TRIP12: variants seen among roughly 807,000 people sequenced by gnomAD.
The protein encoded by TRIP12 is thyroid hormone receptor interactor 12, also known as E3 ubiquitin-protein ligase TRIP12.
In TRIP12, 25 loss-of-function variants were observed where a neutral mutation model predicts 244.2. The observed-to-expected ratio is 0.10, with a 90% confidence interval of 0.07 to 0.14. The LOEUF (loss-of-function observed/expected upper bound fraction) is 0.14, where lower values mean the gene tolerates loss of function less well. TRIP12 is among the 10% of genes least tolerant of loss of function. The pLI, the probability that TRIP12 is intolerant of heterozygous loss-of-function variation, is 1.00. For missense variants in TRIP12, 1,677 were observed against 2,486.4 expected (o/e 0.67, Z 6.92); for synonymous variants, 905 against 873.1 (o/e 1.04, Z -0.64).
chr2:229,860,275 T>G, intron 3 of TRIP12, 131 bp downstream of exon 3: 1 of 1,198,844 alleles, frequency 8.3e-7, no homozygotes, highest in Non-Finnish European at 1.2e-6. Context: ...CTGTCAATCC[T>G]AAAAGTTACT....
chr2:229,910,580 T>C (rs1207634374), intron 1 of TRIP12, among the ~76,000 whole-genome samples: 1 of 152,182 alleles, frequency 6.6e-6, no homozygotes, highest in Non-Finnish European at 1.5e-5. Context: ...TAGTCCTTAC[T>C]TTCTGTAATG....
intron 31 of TRIP12, 57 bp from the exon 32 acceptor site, chr2:229,788,997 T>A: frequency 6.8e-7 from 1 of 1,480,930 alleles, no homozygotes; most frequent in Non-Finnish European, 9.2e-7. Flanking sequence ...AGGATTATAT[T>A]CACAATCTCT....
chr2:229,892,110 C>T (rs2067501703), intron 1 of TRIP12, among the ~76,000 whole-genome samples: 1 of 152,088 alleles, frequency 6.6e-6, no homozygotes, highest in Non-Finnish European at 1.5e-5. Context: ...ATGGAGCTCA[C>T]CTCAATTGGA....
intron 4 of TRIP12, among the ~76,000 whole-genome samples, chr2:229,849,903 T>C (rs1013477022): frequency 1.0e-4 from 15 of 143,090 alleles, no homozygotes; most frequent in African/African-American, 3.9e-4. Context: ...TGTTGATAAA[T>C]ATAAAGTGAA....
intron 4 of TRIP12, among the ~76,000 whole-genome samples, chr2:229,857,889 C>A (rs1446956156): frequency 6.6e-6 from 1 of 152,156 alleles, no homozygotes; most frequent in South Asian, 2.1e-4. Flanking sequence ...AATATTCTTA[C>A]TCACTTAGGA....
At chr2:229,827,407 C>A (rs889046414) in intron 8 of TRIP12, among the ~76,000 whole-genome samples, 2 of 152,044 alleles carry the variant, frequency 1.3e-5, no homozygotes, top group Non-Finnish European at 2.9e-5. Flanking sequence ...AACAGCTGTA[C>A]AAAAACATTT....
intron 30 of TRIP12, 143 bp downstream of exon 30, chr2:229,790,981 G>T: frequency 9.6e-7 from 1 of 1,044,546 alleles, no homozygotes; most frequent in East Asian, 2.5e-5. Flanking sequence ...AGGATTAAAT[G>T]TGATCAAACT....
intron 32 of TRIP12, 77 bp downstream of exon 32, chr2:229,788,721 A>T: frequency 6.5e-7 from 1 of 1,537,860 alleles, no homozygotes; most frequent in Non-Finnish European, 8.8e-7. Flanking sequence ...AGTAAAGACA[A>T]TGTTTCTGTA....
At chr2:229,908,700 T>C (rs1375781517) in intron 1 of TRIP12, among the ~76,000 whole-genome samples, 2 of 150,246 alleles carry the variant, frequency 1.3e-5, no homozygotes, top group African/African-American at 4.9e-5. Context: ...GCCACTACAC[T>C]CCAGCCTGGG....
At chr2:229,796,328 T>C (rs1442810443) in intron 25 of TRIP12, among the ~76,000 whole-genome samples, 1 of 152,218 alleles carries the variant, frequency 6.6e-6, no homozygotes, top group Non-Finnish European at 1.5e-5. Flanking sequence ...GAGACTACTA[T>C]TAATGGCTCA....
At chr2:229,907,954 T>C (rs2073289585) in intron 1 of TRIP12, among the ~76,000 whole-genome samples, 1 of 151,350 alleles carries the variant, frequency 6.6e-6, no homozygotes, top group Non-Finnish European at 1.5e-5. Context: ...ATTTTACAGA[T>C]GGGAGAACTA....
chr2:229,784,051 AGTGAG>A (rs2039201030), intron 34 of TRIP12, among the ~76,000 whole-genome samples: 1 of 150,962 alleles, frequency 6.6e-6, no homozygotes, highest in Admixed American at 6.6e-5. Flanking sequence ...CAGAGGTTGC[AGTGAG>A]CTGAGATTGT....
intron 1 of TRIP12, among the ~76,000 whole-genome samples, chr2:229,918,156 G>A (rs1388463408): frequency 6.6e-6 from 1 of 152,220 alleles, no homozygotes; most frequent in African/African-American, 2.4e-5. Flanking sequence ...ACTTGTTCGA[G>A]GAAGTGATCT....
At chr2:229,902,379 T>TC (rs1305538516) in intron 1 of TRIP12, among the ~76,000 whole-genome samples, 2 of 151,026 alleles carry the variant, frequency 1.3e-5, no homozygotes, top group African/African-American at 2.4e-5. Context: ...GACTTCGTCC[T>TC]CCCCCCACCA....
At position 229,778,941 on chromosome 2, in the gene TRIP12, T is replaced by C. The variant is rs762270418; in HGVS notation, c.5144A>G (p.Gln1715Arg). Residue 1715 changes from glutamine (Q) to arginine (R), a missense_variant, in exon 35 of 42, where the codon CAG becomes CGG. By Grantham distance (43) the Gln-to-Arg change is conservative (BLOSUM62 1). Around this residue, in one of 11 missense-constraint regions of TRIP12, gnomAD observed 5 missense variants for 40.0 expected, o/e 0.13. Coordinates refer to ENST00000675903, the MANE Select transcript of TRIP12 (RefSeq NM_001348323.3). The surrounding 1 kb of genome is among the most constrained non-coding windows in gnomAD (Gnocchi z 4.1). ...PTLEFYALVS[Q>R]ELQRADLGLW... Reference sequence around the variant, plus strand: ...ACCCAAGTCAGCTCTCTGTAGTTCCTGAGATACAAGCGCATAAAACTCCAG... The same window carrying C: ...ACCCAAGTCAGCTCTCTGTAGTTCCCGAGATACAAGCGCATAAAACTCCAG... 6.2e-7 allele frequency: 1 copy of C among 1,613,760 alleles called. No homozygotes were observed. The highest frequency in any genetic ancestry group is 8.5e-7 in the Non-Finnish European group (1 of 1,179,796).
chr2:229,837,193 A>C (rs1263346608), intron 5 of TRIP12, among the ~76,000 whole-genome samples: 1 of 152,234 alleles, frequency 6.6e-6, no homozygotes, highest in Non-Finnish European at 1.5e-5. Context: ...TTACAATACA[A>C]GCTTTTGTTA....
intron 27 of TRIP12, among the ~76,000 whole-genome samples, chr2:229,792,473 A>G (rs2041784418): frequency 1.3e-5 from 2 of 152,254 alleles, no homozygotes; most frequent in Non-Finnish European, 2.9e-5. Flanking sequence ...TTTATATCTC[A>G]TATACATGGC....
intron 4 of TRIP12, among the ~76,000 whole-genome samples, chr2:229,848,647 C>G (rs2058065634): frequency 6.6e-6 from 1 of 152,082 alleles, no homozygotes; most frequent in African/African-American, 2.4e-5. Context: ...ACACGGTGAC[C>G]AACAGTCCCA....
intron 1 of TRIP12, among the ~76,000 whole-genome samples, chr2:229,912,576 A>C (rs2074507636): frequency 1.3e-5 from 2 of 152,100 alleles, no homozygotes; most frequent in South Asian, 4.1e-4. Flanking sequence ...CCTCCAAACA[A>C]TCAGGGCCAG....
Sources: gnomAD v4.1 joint callset for allele counts (sites outside exome capture counted in the v4.1 genomes callset) on GRCh38, gnomAD v4.1.1 for gene constraint, gnomAD v4.1.1 regional missense constraint, Gnocchi (gnomAD v3.1) non-coding constraint, MANE v1.5 for transcripts, NCBI Gene and HGNC (gene_info 2026-07-23, HGNC 2026-07-21) for gene names.